Variants in TRPC4 observed in about 807,000 individuals in gnomAD.
TRPC4 encodes short transient receptor potential channel 4.
A neutral mutation model predicts 99.4 loss-of-function variants in TRPC4; 49 were observed. That is an observed-to-expected ratio of 0.49 (90% CI 0.39 to 0.63). The LOEUF is 0.63. Ranked by LOEUF, TRPC4 falls within the 20% of genes least tolerant of loss-of-function variation. The pLI, the probability that TRPC4 is intolerant of heterozygous loss-of-function variation, is 0.00. For missense variants in TRPC4, 898 were observed against 1,152.9 expected, an observed-to-expected ratio of 0.78 and a Z score of 3.20; for synonymous variants, 454 against 425.9, an observed-to-expected ratio of 1.07 and a Z score of -0.81.
intron 5 of TRPC4, among the ~76,000 whole-genome samples, chr13:37,673,900 A>G (rs28646275): frequency 0.23 from 35,218 of 152,080 alleles, 4,575 homozygotes; most frequent in Admixed American, 0.31. Flanking sequence ...CCAAAATTTA[A>G]ACAGTGTTTG....
intron 2 of TRPC4, among the ~76,000 whole-genome samples, chr13:37,767,104 A>G (rs974457270): frequency 6.6e-6 from 1 of 151,290 alleles, no homozygotes; most frequent in African/African-American, 2.4e-5. Flanking sequence ...TGATTTTCTG[A>G]GAAACATATC....
At chr13:37,802,749 G>T (rs1957434423) in intron 1 of TRPC4, among the ~76,000 whole-genome samples, 1 of 152,084 alleles carries the variant, frequency 6.6e-6, no homozygotes, top group Admixed American at 6.6e-5. Flanking sequence ...AAAGTTTTTA[G>T]ACATATGTCA....
chr13:37,797,059 A>G (rs73460339), intron 1 of TRPC4, among the ~76,000 whole-genome samples: 1,665 of 149,990 alleles, frequency 0.011, 27 homozygotes, highest in African/African-American at 0.04. Flanking sequence ...TCACGCTTGT[A>G]ATCCCAGCAC....
intron 4 of TRPC4, among the ~76,000 whole-genome samples, chr13:37,680,464 AC>A (rs1205967293): frequency 6.6e-6 from 1 of 152,312 alleles, no homozygotes; most frequent in East Asian, 1.9e-4. Context: ...CATGGCTTTT[AC>A]AAAGTATGAT....
intron 4 of TRPC4, among the ~76,000 whole-genome samples, chr13:37,690,531 G>A (rs1953649631): frequency 1.3e-5 from 2 of 152,136 alleles, no homozygotes; most frequent in Admixed American, 1.3e-4. Context: ...CTGATCTCAA[G>A]CGATCCGCCC....
At chr13:37,771,558 AGTGT>A (rs34539317) in intron 2 of TRPC4, among the ~76,000 whole-genome samples, 5,228 of 147,428 alleles carry the variant, frequency 0.035, 108 homozygotes, top group African/African-American at 0.061. Flanking sequence ...AGTGTGCATG[AGTGT>A]GTGTGTGTGT....
At chr13:37,744,498 G>C (rs1423483160) in intron 3 of TRPC4, among the ~76,000 whole-genome samples, 1 of 152,140 alleles carries the variant, frequency 6.6e-6, no homozygotes, top group African/African-American at 2.4e-5. Context: ...AGTATTAAGG[G>C]AAAAGTTCAT....
At chr13:37,655,025 G>T in intron 7 of TRPC4, 63 bp downstream of exon 7, 1 of 1,224,494 alleles carries the variant, frequency 8.2e-7, no homozygotes, top group Non-Finnish European at 1.1e-6. Context: ...AGAAGATGGA[G>T]TATAGCTAAG....
chr13:37,862,793 AT>A (rs1959464752), intron 1 of TRPC4, among the ~76,000 whole-genome samples: 1 of 151,594 alleles, frequency 6.6e-6, no homozygotes, highest in Non-Finnish European at 1.5e-5. Flanking sequence ...AGTGACTGTT[AT>A]GTATTAAGAC....
At chr13:37,646,488 C>T (rs753594687) in intron 8 of TRPC4, among the ~76,000 whole-genome samples, 26 of 152,050 alleles carry the variant, frequency 1.7e-4, no homozygotes, top group Admixed American at 5.2e-4. Flanking sequence ...ATAGCATCTT[C>T]GTACTTGAAT....
rs150270893 is a variant in TRPC4, at chr13:37,858,698, T to C, written c.-28+10897A>G. Among the ~76,000 whole-genome samples, 91 of 151,740 alleles carry C rather than the reference T, an allele frequency of 6.0e-4. 1 individual carries two copies. The highest frequency in any genetic ancestry group is 2.1e-3 in the African/African-American group (88 of 41,520). ...ACAGCACAGAAAGACAAGTATTATA[T>C]GTTCTTACTTATTTGTGGGATATAA... On this transcript the variant is annotated intron_variant, in intron 1 of 10. Transcript: ENST00000379705.
At chr13:37,815,985 A>C (rs745628309) in intron 1 of TRPC4, among the ~76,000 whole-genome samples, 2 of 151,988 alleles carry the variant, frequency 1.3e-5, no homozygotes, top group Non-Finnish European at 2.9e-5. Context: ...TACAAGTTAA[A>C]CAACCTACTC....
At position 37,739,199 on chromosome 13, in the gene TRPC4, CA is replaced by C; in HGVS notation, c.897+6737del. The stretch of plus-strand genomic sequence containing the variant: ...GGGTATAATATAAGGGAAGGTTTTT[CA>C]GAGAAAGTGGTATTTGAGGGGACAT... On this transcript the variant is annotated intron_variant, in intron 3 of 10. Coordinates refer to ENST00000379705, the MANE Select transcript of TRPC4 (RefSeq NM_016179.4). 1.3e-5 allele frequency among the ~76,000 whole-genome samples: 2 copies of C among 152,128 alleles called. 1 individual carries two copies. The highest frequency in any genetic ancestry group is 6.8e-3 in the Middle Eastern group (2 of 294).
chr13:37,661,378 T>C (rs1952432612), intron 6 of TRPC4, among the ~76,000 whole-genome samples: 1 of 152,220 alleles, frequency 6.6e-6, no homozygotes. Flanking sequence ...TCATAAATCA[T>C]GACAGTGTTA....
chr13:37,693,376 C>T (rs984275945), intron 3 of TRPC4, among the ~76,000 whole-genome samples: 2 of 152,054 alleles, frequency 1.3e-5, no homozygotes, highest in African/African-American at 2.4e-5. Context: ...TGGGATTAAA[C>T]GATGCCCTAT....
chr13:37,644,889 A>G (rs868739267), intron 8 of TRPC4, among the ~76,000 whole-genome samples: 34 of 150,848 alleles, frequency 2.3e-4, no homozygotes, highest in Non-Finnish European at 4.3e-4. Context: ...AAAAAAAAAA[A>G]AAAGAAAGAA....
At chr13:37,660,985 T>C (rs770516372) in intron 6 of TRPC4, among the ~76,000 whole-genome samples, 1 of 152,210 alleles carries the variant, frequency 6.6e-6, no homozygotes, top group African/African-American at 2.4e-5. Context: ...TTAAGGGCTA[T>C]TGATATATAC....
At chr13:37,766,886 A>G (rs987318872) in intron 2 of TRPC4, among the ~76,000 whole-genome samples, 1 of 151,448 alleles carries the variant, frequency 6.6e-6, no homozygotes, top group African/African-American at 2.4e-5. Flanking sequence ...TTATAAATGT[A>G]AGGAGGAGAA....
intron 2 of TRPC4, among the ~76,000 whole-genome samples, chr13:37,748,235 G>A (rs1016060785): frequency 2.6e-5 from 4 of 152,032 alleles, no homozygotes; most frequent in African/African-American, 9.7e-5. Context: ...TGTTTTCTGT[G>A]GCAGACAATG....
Sources: gnomAD v4.1 joint callset for allele counts (sites outside exome capture counted in the v4.1 genomes callset) on GRCh38, gnomAD v4.1.1 for gene constraint, MANE v1.5 for transcripts, NCBI Gene and HGNC (gene_info 2026-07-23, HGNC 2026-07-21) for gene names.